FADS6: variants seen among roughly 807,000 people sequenced by gnomAD.
FADS6 encodes the protein fatty acid desaturase domain family, member 6.
FADS6 carries 28 observed loss-of-function variants against 31.7 expected under a neutral mutation model. The ratio of observed to expected loss-of-function variants is 0.88; its 90% CI spans 0.66 to 1.21. The LOEUF is 1.21. Ranked by LOEUF, FADS6 falls within the 50% of genes most tolerant of loss-of-function variation. The pLI is 0.00. For synonymous variants in FADS6, 191 were observed against 213.1 expected, an observed-to-expected ratio of 0.90 and a Z score of 0.90; for missense variants, 494 against 504.2, an observed-to-expected ratio of 0.98 and a Z score of 0.19.
rs370074471 is a variant in FADS6 at position 74,878,406 on chromosome 17, G to T, written c.1032C>A (p.Arg344=). Residue 344 remains arginine, a synonymous_variant, in exon 6 of 6, where the codon CGC becomes CGA. Transcript: ENST00000612771. Reference sequence around the variant, plus strand: ...CATAGCGACGGAGAAACAGCTGGAAGCGAGCCAGGTATGAGTCCTCGTTGT... The same window carrying T: ...CATAGCGACGGAGAAACAGCTGGAATCGAGCCAGGTATGAGTCCTCGTTGT... The part of the protein sequence containing the change: ...LPYNEDSYLA[R]FQLFLRRYEE... The T allele has an allele frequency of 1.2e-6, 2 of 1,613,932 alleles. No homozygotes were observed. Among genetic ancestry groups the T allele is most frequent in the African/African-American group, 2.7e-5 (2 of 74,952 alleles).
intron 2 of FADS6, 139 bp from the exon 3 acceptor site, chr17:74,882,849 T>C: frequency 6.6e-7 from 1 of 1,517,862 alleles, no homozygotes; most frequent in Non-Finnish European, 8.8e-7. Flanking sequence ...CAGCCCCAGC[T>C]AATCCGCTTT....
At chr17:74,882,859 T>C in intron 2 of FADS6, 149 bp from the exon 3 acceptor site, 1 of 1,509,070 alleles carries the variant, frequency 6.6e-7, no homozygotes, top group Non-Finnish European at 8.8e-7. Flanking sequence ...TAATCCGCTT[T>C]GACCATCAAC....
chr17:74,879,463 T>C lies in FADS6; in HGVS notation c.901A>G (p.Ile301Val). The C allele has an allele frequency of 6.2e-7, 1 of 1,613,942 alleles. No individual in the cohort carries two copies. ...VLDWAFGHSI[I>V]SCHVEHHLFP... ...AGATGGTGTTCCACATGGCAGCTGA[T>C]GATCGAGTGGCCGAACGCCCAGTCC... Residue 301 changes from isoleucine (I) to valine (V), a missense_variant, in exon 5 of 6, where the codon ATC (isoleucine) becomes GTC (valine). Ile to Val is a conservative substitution (Grantham distance 29). This residue lies in a region of FADS6 where 454 missense variants were observed against 438.5 expected (regional missense o/e 1.04). Coordinates refer to ENST00000612771, the MANE Select transcript of FADS6 (RefSeq NM_178128.6).
At chr17:74,876,808 A>C (rs2038511179), downstream of FADS6, among the ~76,000 whole-genome samples, 1 of 152,038 alleles carries the variant, frequency 6.6e-6, no homozygotes, top group Non-Finnish European at 1.5e-5. Flanking sequence ...ATAAAAAAAA[A>C]AGTCAATAGT....
At chr17:74,886,168 G>A (rs1380543924) in intron 2 of FADS6, among the ~76,000 whole-genome samples, 2 of 151,418 alleles carry the variant, frequency 1.3e-5, no homozygotes, top group African/African-American at 4.9e-5. Context: ...GAACCTGGGA[G>A]GTGGAGCTTG....
At chr17:74,893,087 C>T (rs1039351850) in intron 1 of FADS6, among the ~76,000 whole-genome samples, 2 of 152,154 alleles carry the variant, frequency 1.3e-5, no homozygotes, top group South Asian at 4.1e-4. Flanking sequence ...CTCCCCCGCT[C>T]CTCTCAACTT....
Position 74,893,333 on chromosome 17 carries a change from G to A in FADS6, c.244+19C>T. The A allele has an allele frequency of 3.3e-6, 5 of 1,505,766 alleles. No individual in the cohort carries two copies. The South Asian group carries it at 4.9e-5, about 15-fold the overall frequency. 93.3% of individuals were successfully genotyped at this position (1,505,766 alleles called of 1,614,324 possible). A position where few individuals can be genotyped will look rare whatever the true frequency, so the allele number is the denominator to read the frequency against. On this transcript the variant is annotated intron_variant, in intron 1 of 5. Transcript: ENST00000612771. ...CCACCCGCAGCCCGGCCGGGACGCCGGGTCCCCGCGTTCCTCACCTGCCGG... is the reference window on the plus strand; with the variant it reads ...CCACCCGCAGCCCGGCCGGGACGCCAGGTCCCCGCGTTCCTCACCTGCCGG...
At chr17:74,886,659 T>G (rs1197421387) in intron 2 of FADS6, among the ~76,000 whole-genome samples, 1 of 152,150 alleles carries the variant, frequency 6.6e-6, no homozygotes, top group Non-Finnish European at 1.5e-5. Flanking sequence ...TAAGTTAGTT[T>G]TGAAAACTAC....
At chr17:74,876,072 G>A (rs541434951), downstream of FADS6, among the ~76,000 whole-genome samples, 79 of 152,174 alleles carry the variant, frequency 5.2e-4, 1 homozygote, top group African/African-American at 5.1e-4. Context: ...AAGGAACTGC[G>A]GTCTTTGGTA....
At chr17:74,883,358 A>G (rs2038593732) in intron 2 of FADS6, among the ~76,000 whole-genome samples, 1 of 152,224 alleles carries the variant, frequency 6.6e-6, no homozygotes, top group Admixed American at 6.5e-5. Context: ...AAGCCACGCT[A>G]AGGTGTTTCT....
intron 3 of FADS6, among the ~76,000 whole-genome samples, chr17:74,881,673 T>C (rs755063334): frequency 6.9e-5 from 10 of 145,234 alleles, no homozygotes; most frequent in Non-Finnish European, 1.2e-4. Flanking sequence ...GTGTGCCACC[T>C]ACAGTAAGTT....
rs182632674 is a variant in FADS6, at chr17:74,887,447, G to C, written c.412-4737C>G. Among the ~76,000 whole-genome samples the C allele has an allele frequency of 6.6e-5, 10 of 152,262 alleles. No individual in the cohort carries two copies. The East Asian group carries it at 1.7e-3, about 26-fold the overall frequency. ...CCCTGCCCTGCTCTTCCCACCCTGA[G>C]CTCTCAGAGCTTTCACTCCACCCTG... On this transcript the variant is annotated intron_variant, in intron 2 of 5. Transcript: ENST00000612771.
chr17:74,892,049 G>C (rs2038694615), intron 2 of FADS6, among the ~76,000 whole-genome samples: 2 of 152,224 alleles, frequency 1.3e-5, no homozygotes, highest in African/African-American at 4.8e-5. Flanking sequence ...GGTGGAAGAA[G>C]GGAGGGCAAG....
chr17:74,885,627 C>G (rs1181999108), intron 2 of FADS6, among the ~76,000 whole-genome samples: 1 of 152,046 alleles, frequency 6.6e-6, no homozygotes, highest in African/African-American at 2.4e-5. Flanking sequence ...ACTCCTGCAC[C>G]TCTTCCTTCT....
intron 5 of FADS6, 80 bp downstream of exon 5, chr17:74,879,324 C>G: frequency 6.6e-7 from 1 of 1,524,728 alleles, no homozygotes; most frequent in South Asian, 1.3e-5. Context: ...GTGTGAGCAA[C>G]GCCCCCAGGC....
At chr17:74,876,962 A>G (rs1438481618), downstream of FADS6, among the ~76,000 whole-genome samples, 1 of 151,054 alleles carries the variant, frequency 6.6e-6, no homozygotes, top group Non-Finnish European at 1.5e-5. Flanking sequence ...AATACTACCC[A>G]CTGTGGGCTG....
chr17:74,885,105 A>G (rs1482828415), intron 2 of FADS6, among the ~76,000 whole-genome samples: 2 of 151,960 alleles, frequency 1.3e-5, no homozygotes, highest in Non-Finnish European at 2.9e-5. Context: ...TCCATGATCC[A>G]GTCACCTCCC....
chr17:74,892,773 C>A, intron 1 of FADS6, 84 bp from the exon 2 acceptor site: 1 of 1,386,280 alleles, frequency 7.2e-7, no homozygotes, highest in Non-Finnish European at 9.6e-7. Context: ...ACCCTGGGAG[C>A]CCAGGCTAAA....
At chr17:74,888,148 ACACACACGCG>A (rs1200535741) in intron 2 of FADS6, among the ~76,000 whole-genome samples, 7 of 122,840 alleles carry the variant, frequency 5.7e-5, no homozygotes, top group African/African-American at 2.7e-4. Flanking sequence ...ACACACACAC[ACACACACGCG>A]CGCGCGCGCG....
Sources: gnomAD v4.1 joint callset for allele counts (sites outside exome capture counted in the v4.1 genomes callset) on GRCh38, gnomAD v4.1.1 for gene constraint, gnomAD v4.1.1 regional missense constraint, MANE v1.5 for transcripts, NCBI Gene and HGNC (gene_info 2026-07-23, HGNC 2026-07-21) for gene names.